The following DDIAS variants were observed in gnomAD, a reference collection of about 807,000 sequenced individuals.
DDIAS encodes DNA damage-induced apoptosis suppressor protein.
A neutral mutation model predicts 15.7 loss-of-function variants in DDIAS; 14 were observed. The observed-to-expected ratio is 0.89, with a 90% CI of 0.59 to 1.39. The LOEUF is 1.39. Ranked by LOEUF, DDIAS falls within the 40% of genes most tolerant of loss-of-function variation. The pLI, the probability that DDIAS is intolerant of heterozygous loss-of-function variation, is 0.00. For synonymous variants in DDIAS, 355 were observed against 395.9 expected (o/e 0.90, Z 1.23); for missense variants, 1,035 against 1,130.9 (o/e 0.92, Z 1.22).
At chr11:82,914,698 T>C (rs972631887) in intron 2 of DDIAS, 25 bp from the exon 3 acceptor site, 9 of 1,237,138 alleles carry the variant, frequency 7.3e-6, no homozygotes, top group Non-Finnish European at 5.9e-6. Flanking sequence ...TTGCCAGTCA[T>C]CCCAATGGCT....
chr11:82,913,973 GT>G (rs1490686578), intron 2 of DDIAS: 1 of 432,774 alleles, frequency 2.3e-6, no homozygotes, highest in Non-Finnish European at 4.5e-6. Flanking sequence ...TTTTGCTCTT[GT>G]TGCCCAGGCT....
At chr11:82,904,619 T>C (rs1190015021) in intron 1 of DDIAS, among the ~76,000 whole-genome samples, 2 of 152,194 alleles carry the variant, frequency 1.3e-5, no homozygotes, top group Non-Finnish European at 2.9e-5. Context: ...ACCTGGGAAC[T>C]TAAAATGCAG....
Position 82,931,780 on chromosome 11 carries a change from C to T in DDIAS, c.442C>T (p.Gln148Ter). ...GQGSDASNFL[Q>*]QCSDHKRKAK... ...AGGTTCAGATGCCAGTAACTTCTTA[C>T]AGCAATGCTCTGACCACAAAAGAAA... The change falls in exon 6 of 6, where the codon CAG becomes TAG. Residue 148 changes from glutamine (Q) to a stop codon, truncating the protein, a stop_gained. Coordinates refer to ENST00000533655, the MANE Select transcript of DDIAS (RefSeq NM_145018.4). LOFTEE classifies it low-confidence loss of function (END_TRUNC). The T allele has an allele frequency of 5.6e-6, 9 of 1,612,532 alleles. No individual in the cohort carries two copies. The highest frequency in any genetic ancestry group is 1.7e-4 in the Middle Eastern group (1 of 6,052).
Position 82,933,955 on chromosome 11 carries a change from T to C in DDIAS, c.2617T>C (p.Phe873Leu), listed in dbSNP as rs1861061605. The C allele has an allele frequency of 3.1e-6, 5 of 1,612,568 alleles. No homozygotes were observed. Among genetic ancestry groups the C allele is most frequent in the Non-Finnish European group, 4.2e-6 (5 of 1,179,622 alleles). Residue 873 changes from phenylalanine (F) to leucine (L), a missense_variant, in exon 6 of 6, where the codon TTT becomes CTT. Coordinates refer to ENST00000533655, the MANE Select transcript of DDIAS (RefSeq NM_145018.4). Reference protein sequence around the residue: ...EWVPPTTQKIFPSDMLGFQGI... With the variant: ...EWVPPTTQKILPSDMLGFQGI... ...GGTCCCTCCTACCACACAAAAAATA[T>C]TTCCTTCAGATATGCTTGGATTCCA... is the stretch of plus-strand genomic sequence containing the variant.
intron 3 of DDIAS, among the ~76,000 whole-genome samples, chr11:82,926,620 A>G (rs1860867969): frequency 1.3e-5 from 2 of 152,208 alleles, no homozygotes; most frequent in South Asian, 4.1e-4. Flanking sequence ...GGCCTAAGGT[A>G]CATCTGCATC....
At position 82,931,811 on chromosome 11, in the gene DDIAS, A is replaced by G. The variant is rs1046916510; in HGVS notation, c.473A>G (p.Lys158Arg). 1 of 1,614,194 alleles carries G rather than the reference A, an allele frequency of 6.2e-7. No homozygotes were observed. Among genetic ancestry groups the G allele is most frequent in the African/African-American group, 1.3e-5 (1 of 75,056 alleles). ...QQCSDHKRKA[K>R]ALVACQIVLP... ...TGCTCTGACCACAAAAGAAAAGCCA[A>G]AGCACTAGTGGCTTGCCAGATTGTT... Residue 158 changes from lysine to arginine, a missense_variant, in exon 6 of 6, where the codon AAA becomes AGA. Lys to Arg is a conservative substitution (Grantham distance 26, BLOSUM62 2). Coordinates refer to ENST00000533655, the MANE Select transcript of DDIAS (RefSeq NM_145018.4).
chr11:82,907,515 T>C (rs1406272751), intron 1 of DDIAS, among the ~76,000 whole-genome samples: 1 of 152,208 alleles, frequency 6.6e-6, no homozygotes, highest in African/African-American at 2.4e-5. Context: ...TTTTCTTGAA[T>C]TGCAAAATTC....
At chr11:82,918,192 A>G (rs1434416592) in intron 3 of DDIAS, among the ~76,000 whole-genome samples, 1 of 152,184 alleles carries the variant, frequency 6.6e-6, no homozygotes, top group African/African-American at 2.4e-5. Context: ...GCCAATGTCT[A>G]GAAGGGTTTT....
chr11:82,920,027 G>C (rs1043387983), intron 3 of DDIAS, among the ~76,000 whole-genome samples: 1 of 152,106 alleles, frequency 6.6e-6, no homozygotes, highest in African/African-American at 2.4e-5. Context: ...CCGGCCTTTT[G>C]TTGGTAATTT....
chr11:82,903,454 T>C (rs541097858), intron 1 of DDIAS, among the ~76,000 whole-genome samples: 1 of 152,350 alleles, frequency 6.6e-6, no homozygotes, highest in African/African-American at 2.4e-5. Flanking sequence ...TCCATCCCTG[T>C]AATAAATGTC....
intron 3 of DDIAS, 94 bp downstream of exon 3, chr11:82,914,945 A>AG: frequency 1.3e-6 from 1 of 766,926 alleles, no homozygotes; most frequent in South Asian, 2.0e-5. Flanking sequence ...TTACCAAACA[A>AG]GGACATTAGA....
Position 82,928,887 on chromosome 11 carries a change from T to C in DDIAS, c.224T>C (p.Phe75Ser). Residue 75 changes from phenylalanine (F) to serine (S), a missense_variant, in exon 4 of 6, where the codon TTT becomes TCT. Phe to Ser is a radical substitution (Grantham distance 155). Transcript: ENST00000533655. ...AACAAATTGTTTGTTATTACTGTAT[T>C]TGGAAGTTGCTTAGATACATTTTTT... The part of the protein sequence containing the change: ...ESNKLFVITV[F>S]GSCLDTFFGL... 3 of 1,613,002 alleles carry C rather than the reference T, an allele frequency of 1.9e-6. No individual in the cohort carries two copies. The highest frequency in any genetic ancestry group is 1.7e-6 in the Non-Finnish European group (2 of 1,179,714).
chr11:82,916,668 C>T (rs1205926267), intron 3 of DDIAS, among the ~76,000 whole-genome samples: 1 of 152,028 alleles, frequency 6.6e-6, no homozygotes, highest in Non-Finnish European at 1.5e-5. Context: ...ACGGGTAATA[C>T]CAGTAGATAA....
At chr11:82,917,999 G>T (rs866996132) in intron 3 of DDIAS, among the ~76,000 whole-genome samples, 2 of 151,968 alleles carry the variant, frequency 1.3e-5, no homozygotes, top group Non-Finnish European at 2.9e-5. Context: ...TTTTCTTACT[G>T]ATTTGTTTGA....
intron 3 of DDIAS, among the ~76,000 whole-genome samples, chr11:82,924,343 G>A (rs959389909): frequency 6.6e-6 from 1 of 152,182 alleles, no homozygotes; most frequent in Non-Finnish European, 1.5e-5. Flanking sequence ...AGGTATGTAT[G>A]ACTCCTCCAG....
At chr11:82,913,962 G>A in intron 2 of DDIAS, 2 of 440,470 alleles carry the variant, frequency 4.5e-6, no homozygotes, top group Non-Finnish European at 9.0e-6. Context: ...TTTAGATGGA[G>A]TTTTGCTCTT....
chr11:82,930,032 A>AAT, intron 4 of DDIAS, 125 bp from the exon 5 acceptor site: 1 of 580,426 alleles, frequency 1.7e-6, no homozygotes, highest in Non-Finnish European at 3.0e-6. Context: ...CTGGCTCTTA[A>AAT]AGTCACTTTT....
intron 3 of DDIAS, among the ~76,000 whole-genome samples, chr11:82,925,630 T>G (rs1245275421): frequency 6.6e-6 from 1 of 151,784 alleles, no homozygotes; most frequent in Non-Finnish European, 1.5e-5. Flanking sequence ...TAGACAGATA[T>G]AAGATAAACA....
chr11:82,926,308 C>G (rs908116711), intron 3 of DDIAS, among the ~76,000 whole-genome samples: 1 of 151,906 alleles, frequency 6.6e-6, no homozygotes, highest in Non-Finnish European at 1.5e-5. Flanking sequence ...AGGCTGGACT[C>G]GAACTCCTGA....
Sources: allele counts gnomAD v4.1 joint callset (sites outside exome capture counted in the v4.1 genomes callset), GRCh38; gene constraint gnomAD v4.1.1; transcripts MANE v1.5; gene names NCBI Gene and HGNC (gene_info 2026-07-23, HGNC 2026-07-21).